Variants in GFRA2 observed in about 807,000 individuals in gnomAD.
GFRA2 encodes the protein GDNF family receptor alpha-2.
A neutral mutation model predicts 48.3 loss-of-function variants in GFRA2; 17 were observed. The observed-to-expected ratio is 0.35, with a 90% CI of 0.24 to 0.53. The LOEUF is 0.53. GFRA2 is among the 20% of genes least tolerant of loss of function. The probability of loss-of-function intolerance (pLI) is 0.93; values close to 1 mark genes in which losing one functional copy is unlikely to be tolerated. For missense variants in GFRA2, 660 were observed against 637.3 expected, an observed-to-expected ratio of 1.04 and a Z score of -0.38; for synonymous variants, 305 against 257.2, an observed-to-expected ratio of 1.19 and a Z score of -1.78.
At chr8:21,798,117 A>T (rs1466225481) in intron 2 of GFRA2, among the ~76,000 whole-genome samples, 1 of 152,132 alleles carries the variant, frequency 6.6e-6, no homozygotes, top group Non-Finnish European at 1.5e-5. Flanking sequence ...CCCCCAAGCA[A>T]TGAAGCCCAG....
intron 7 of GFRA2, among the ~76,000 whole-genome samples, chr8:21,699,926 G>A (rs138605227): frequency 0.011 from 1,603 of 152,310 alleles, 13 homozygotes; most frequent in Middle Eastern, 0.054. Context: ...ATGGCCTCTG[G>A]GGGCCCTGGC....
In GFRA2 at chr8:21,711,048, C is replaced by T. The variant is rs567177363; in HGVS notation, c.795-5007G>A. Among the ~76,000 whole-genome samples the T allele has an allele frequency of 1.1e-3, 168 of 152,312 alleles. 2 individuals are homozygous for T. Among genetic ancestry groups the T allele is most frequent in the South Asian group, 7.1e-3 (34 of 4,820 alleles). On this transcript the variant is annotated intron_variant, in intron 4 of 8. Coordinates refer to ENST00000524240, the MANE Select transcript of GFRA2 (RefSeq NM_001495.5). ...TTGAAGCCCTGGACACTGTCCCACT[C>T]CAGCCATGACCCCTCGCCCCAGCAC...
intron 2 of GFRA2, among the ~76,000 whole-genome samples, chr8:21,781,566 C>T (rs1214727307): frequency 1.3e-5 from 2 of 152,142 alleles, no homozygotes; most frequent in Admixed American, 1.3e-4. Flanking sequence ...GACGTGGATG[C>T]CCCCTCCAAG....
upstream of GFRA2, among the ~76,000 whole-genome samples, chr8:21,789,457 G>A (rs371197358): frequency 1.3e-5 from 2 of 152,112 alleles, no homozygotes; most frequent in Non-Finnish European, 2.9e-5. Flanking sequence ...GGCTCGGGGG[G>A]CAGGGCGTTA....
At chr8:21,697,844 A>C (rs530725451) in intron 7 of GFRA2, among the ~76,000 whole-genome samples, 11 of 152,186 alleles carry the variant, frequency 7.2e-5, no homozygotes, top group South Asian at 2.1e-4. Context: ...ATTCCCCTGC[A>C]CACACTCTCT....
At chr8:21,708,680 G>A (rs1394715669) in intron 4 of GFRA2, among the ~76,000 whole-genome samples, 3 of 152,142 alleles carry the variant, frequency 2.0e-5, no homozygotes, top group East Asian at 1.9e-4. Context: ...AGGCACACAG[G>A]AAGAACGCCA....
chr8:21,792,176 G>A (rs201812944), upstream of GFRA2, among the ~76,000 whole-genome samples: 818 of 152,322 alleles, frequency 5.4e-3, 34 homozygotes, highest in South Asian at 0.11. Flanking sequence ...GATAGCAGGA[G>A]AGGGAAGAAG....
Position 21,788,227 on chromosome 8 carries a change from A to T in GFRA2, c.-68T>A. ...AAAAAAAAATAATAGTAGTAACAAC[A>T]ACAATAATAATAGGCAAGCAGTGGT... is the stretch of plus-strand genomic sequence containing the variant. On this transcript the variant is annotated 5_prime_UTR_variant, in exon 1 of 9. Transcript: ENST00000524240. 6.3e-7 allele frequency: 1 copy of T among 1,581,302 alleles called. No homozygotes were observed. Among genetic ancestry groups the T allele is most frequent in the Admixed American group, 1.8e-5 (1 of 56,296 alleles).
At chr8:21,708,986 C>T (rs1802884505) in intron 4 of GFRA2, among the ~76,000 whole-genome samples, 1 of 152,144 alleles carries the variant, frequency 6.6e-6, no homozygotes, top group Non-Finnish European at 1.5e-5. Context: ...AAATGTCTCC[C>T]TCCAGAAGAA....
chr8:21,699,077 T>C (rs1168034363), intron 7 of GFRA2, among the ~76,000 whole-genome samples: 1 of 152,196 alleles, frequency 6.6e-6, no homozygotes, highest in Non-Finnish European at 1.5e-5. Flanking sequence ...GTGAGCTTCA[T>C]CCTGTCAATC....
upstream of GFRA2, among the ~76,000 whole-genome samples, chr8:21,791,309 C>T (rs1807569885): frequency 6.6e-6 from 1 of 152,104 alleles, no homozygotes; most frequent in Non-Finnish European, 1.5e-5. Context: ...GTAAGTGGCC[C>T]TTCTGCGACC....
At chr8:21,769,137 A>G (rs1369594098) in intron 3 of GFRA2, 1 of 978,944 alleles carries the variant, frequency 1.0e-6, no homozygotes, top group African/African-American at 1.8e-5. Context: ...CCACACAGTG[A>G]GGACACAGGT....
At chr8:21,803,190 C>T (rs200426500) in intron 2 of GFRA2, among the ~76,000 whole-genome samples, 5,510 of 152,292 alleles carry the variant, frequency 0.036, 185 homozygotes, top group African/African-American at 0.092. Flanking sequence ...TATCATCCTG[C>T]AGCTGCTACA....
intron 7 of GFRA2, 137 bp from the exon 8 acceptor site, chr8:21,694,654 G>T: frequency 1.3e-6 from 1 of 771,040 alleles, no homozygotes; most frequent in Non-Finnish European, 2.2e-6. Context: ...GAAGAGGGTA[G>T]CTCAATTCCA....
chr8:21,762,755 A>G (rs1805973400), intron 3 of GFRA2, among the ~76,000 whole-genome samples: 1 of 152,192 alleles, frequency 6.6e-6, no homozygotes. Flanking sequence ...TTTCTCATTC[A>G]AAGGAATTTT....
At chr8:21,714,863 T>A (rs911806584) in intron 4 of GFRA2, among the ~76,000 whole-genome samples, 1 of 152,090 alleles carries the variant, frequency 6.6e-6, no homozygotes, top group Admixed American at 6.6e-5. Flanking sequence ...ACTTGAATAT[T>A]TCATGGAGGG....
intron 3 of GFRA2, among the ~76,000 whole-genome samples, chr8:21,754,491 T>G (rs1359932215): frequency 6.7e-6 from 1 of 149,896 alleles, no homozygotes; most frequent in East Asian, 2.0e-4. Context: ...TGACCAACAA[T>G]GGTCTTTTTT....
intron 4 of GFRA2, among the ~76,000 whole-genome samples, chr8:21,713,187 CTGTTT>C (rs534429679): frequency 5.3e-5 from 8 of 152,050 alleles, no homozygotes; most frequent in South Asian, 2.1e-4. Flanking sequence ...CTGTTTTGTT[CTGTTT>C]TGTTTTGTTT....
intron 4 of GFRA2, chr8:21,706,443 T>A (rs1427705223): frequency 2.2e-6 from 1 of 461,216 alleles, no homozygotes; most frequent in South Asian, 1.5e-5. Flanking sequence ...CCTGCCCAAG[T>A]CCTTCAACCC....
Sources: gnomAD v4.1 joint callset for allele counts (sites outside exome capture counted in the v4.1 genomes callset) on GRCh38, gnomAD v4.1.1 for gene constraint, MANE v1.5 for transcripts, NCBI Gene and HGNC (gene_info 2026-07-23, HGNC 2026-07-21) for gene names.